The following OS9 variants were observed in gnomAD, a reference collection of about 807,000 sequenced individuals.
The protein encoded by OS9 is OS9 endoplasmic reticulum lectin.
A neutral mutation model predicts 84.7 loss-of-function variants in OS9; 58 were observed. That is an observed-to-expected ratio of 0.68 (90% CI 0.55 to 0.85). The LOEUF is 0.85. OS9 is among the 40% of genes least tolerant of loss of function. The probability of loss-of-function intolerance (pLI) is 0.00; values close to 1 mark genes in which losing one functional copy is unlikely to be tolerated. For missense variants in OS9, 760 were observed against 850.9 expected (o/e 0.89, Z 1.33); for synonymous variants, 278 against 320.8 (o/e 0.87, Z 1.43).
At chr12:57,709,843 T>C (rs1954275384) in intron 5 of OS9, among the ~76,000 whole-genome samples, 1 of 146,402 alleles carries the variant, frequency 6.8e-6, no homozygotes, top group South Asian at 2.2e-4. Flanking sequence ...TGACGATCCC[T>C]TTTTTTTTTT....
In OS9 at chr12:57,706,917, C is replaced by T. The variant is rs142532671; in HGVS notation, c.580-8843C>T. On this transcript the variant is annotated intron_variant, in intron 5 of 14. Coordinates refer to ENST00000315970, the MANE Select transcript of OS9 (RefSeq NM_006812.4). ...CCATCCCCACAATATGCTACAAAACCGGTATATTGGGGGGATCGTTGTTGC... is the reference window on the plus strand; with the variant it reads ...CCATCCCCACAATATGCTACAAAACTGGTATATTGGGGGGATCGTTGTTGC... Among the ~76,000 whole-genome samples, 5 of 148,554 alleles carry T rather than the reference C, an allele frequency of 3.4e-5. No homozygotes were observed. In the East Asian group the frequency reaches 5.9e-4, roughly 17 times the overall value.
intron 5 of OS9, among the ~76,000 whole-genome samples, chr12:57,707,720 T>C (rs1306058615): frequency 6.6e-6 from 1 of 152,150 alleles, no homozygotes; most frequent in African/African-American, 2.4e-5. Flanking sequence ...ATTTTATCTT[T>C]GTTATTTCCT....
At chr12:57,702,062 T>G (rs1212893891) in intron 5 of OS9, among the ~76,000 whole-genome samples, 1 of 152,218 alleles carries the variant, frequency 6.6e-6, no homozygotes, top group African/African-American at 2.4e-5. Context: ...CCCAAAGTGC[T>G]GGGATTACAG....
intron 7 of OS9, 86 bp downstream of exon 7, chr12:57,716,279 T>TGGGGGGGGGGGGGGG (rs141328077): frequency 3.9e-6 from 2 of 511,644 alleles, no homozygotes; most frequent in Non-Finnish European, 7.0e-6. Context: ...ACTGGTGGGG[T>TGGGGGGGGGGGGGGG]GGGGGGGGGT....
chr12:57,705,618 C>T (rs1954143237), intron 5 of OS9, among the ~76,000 whole-genome samples: 1 of 152,056 alleles, frequency 6.6e-6, no homozygotes, highest in Non-Finnish European at 1.5e-5. Context: ...CCTCTGCCTC[C>T]CAGGTTCAAG....
In OS9 at chr12:57,719,484, T is replaced by C. The variant is rs111584943; in HGVS notation, c.1600+302T>C. On this transcript the variant is annotated intron_variant, in intron 12 of 14. Transcript: ENST00000315970. ...ACAATGGATGATCAGTAGCTAGTAA[T>C]TGAATGCTTGTGAGTCTATATGCTG... 141 of 357,190 alleles carry C rather than the reference T, an allele frequency of 3.9e-4. 1 individual carries two copies. Among genetic ancestry groups the C allele is most frequent in the African/African-American group, 2.7e-3 (130 of 48,420 alleles). 22.1% of individuals were successfully genotyped at this position (357,190 alleles called of 1,614,324 possible).
intron 5 of OS9, among the ~76,000 whole-genome samples, chr12:57,702,576 C>A (rs1954057942): frequency 6.6e-6 from 1 of 152,156 alleles, no homozygotes; most frequent in Admixed American, 6.5e-5. Flanking sequence ...GTTTTCAATT[C>A]TTTTGGGTCT....
rs973389250 is a variant in OS9, at chr12:57,720,104, G to A, written c.1606G>A (p.Asp536Asn). Residue 536 changes from aspartate (D) to asparagine (N), a missense_variant, in exon 13 of 15, where the codon GAT becomes AAT. By Grantham distance (23) the Asp-to-Asn change is conservative (BLOSUM62 1). Coordinates refer to ENST00000315970, the MANE Select transcript of OS9 (RefSeq NM_006812.4). The stretch of plus-strand genomic sequence containing the variant: ...TGTGTGTCTCCCCCTCTAAGAGGAG[G>A]ATCCTGAGCACAGAGTCCGGGTCCG... ...PPPSPQPTEE[D>N]PEHRVRVRVT... The A allele has an allele frequency of 1.2e-6, 2 of 1,613,676 alleles. No individual in the cohort carries two copies. Among genetic ancestry groups the A allele is most frequent in the East Asian group, 4.5e-5 (2 of 44,884 alleles).
chr12:57,716,301 ATGGGCCCTCCTCCCTTGGTGAT>A, intron 7 of OS9, 89 bp from the exon 8 acceptor site: 1 of 1,035,310 alleles, frequency 9.7e-7, no homozygotes, highest in Non-Finnish European at 1.5e-6. Flanking sequence ...GAAAAGTACC[ATGGGCCCTCCTCCCTTGGTGAT>A]AGAGGAGGGG....
intron 5 of OS9, among the ~76,000 whole-genome samples, chr12:57,704,551 T>C (rs1012732888): frequency 6.6e-6 from 1 of 150,912 alleles, no homozygotes. Context: ...AAAAAAAAGA[T>C]ATTAGTCTAT....
intron 5 of OS9, among the ~76,000 whole-genome samples, chr12:57,700,183 T>C (rs1197782875): frequency 6.7e-6 from 1 of 148,444 alleles, no homozygotes; most frequent in Non-Finnish European, 1.5e-5. Context: ...AGGTAAGCAT[T>C]AGTGAGAGGT....
intron 14 of OS9, 72 bp downstream of exon 14, chr12:57,720,590 C>G: frequency 7.5e-7 from 1 of 1,325,238 alleles, no homozygotes; most frequent in African/African-American, 1.4e-5. Context: ...GCCCCAGCCA[C>G]GCCATTGCTG....
rs1452690213 is a variant in OS9 at position 57,696,903 on chromosome 12, TGTGGTCGGTAC to T, written c.579+531_579+541del. Among the ~76,000 whole-genome samples the T allele has an allele frequency of 6.6e-5, 10 of 152,290 alleles. No homozygotes were observed. In the East Asian group the frequency reaches 1.9e-3, roughly 29 times the overall value. On this transcript the variant is annotated intron_variant, in intron 5 of 14. Transcript: ENST00000315970. ...CTCTCAAAACTCTCCTATGCTTTCT[TGTGGTCGGTAC>T]CTTCACTCTCGCCTGCATCCCTGCA...
intron 5 of OS9, among the ~76,000 whole-genome samples, chr12:57,705,694 T>C (rs1412220205): frequency 6.6e-6 from 1 of 152,020 alleles, no homozygotes; most frequent in Admixed American, 6.6e-5. Context: ...CCCAGCTAAT[T>C]ATTGTAATTT....
At chr12:57,718,100 C>T in intron 10 of OS9, 46 bp from the exon 11 acceptor site, 3 of 1,590,562 alleles carry the variant, frequency 1.9e-6, no homozygotes, top group Non-Finnish European at 2.6e-6. Context: ...CCATGTGTCT[C>T]TGTTGAAACC....
chr12:57,720,623 AG>A (rs1452506129), intron 14 of OS9, 105 bp downstream of exon 14: 16 of 1,276,792 alleles, frequency 1.3e-5, no homozygotes, highest in Non-Finnish European at 1.7e-5. Flanking sequence ...CTGATCTGTA[AG>A]ACAAGGCTGG....
chr12:57,695,453 T>A, intron 2 of OS9: 1 of 531,820 alleles, frequency 1.9e-6, no homozygotes, highest in East Asian at 4.3e-5. Context: ...TTTGGGTTCT[T>A]CTATGTTTCC....
chr12:57,718,102 GT>G, intron 10 of OS9, 43 bp from the exon 11 acceptor site: 1 of 1,594,180 alleles, frequency 6.3e-7, no homozygotes, highest in Non-Finnish European at 8.6e-7. Context: ...ATGTGTCTCT[GT>G]TGAAACCCCA....
At position 57,715,808 on chromosome 12, in the gene OS9, G is replaced by A. The variant is rs112813761; in HGVS notation, c.628G>A (p.Val210Met). ...AGISGDYIDR[V>M]DEPLSCSYVL... Reference sequence around the variant, plus strand: ...TATCTCTGGGGACTACATCGATCGCGTGGACGAGCCCTTGTCCTGCTCTTA... The same window carrying A: ...TATCTCTGGGGACTACATCGATCGCATGGACGAGCCCTTGTCCTGCTCTTA... Residue 210 changes from valine to methionine, a missense_variant, in exon 6 of 15, where the codon GTG becomes ATG. Coordinates refer to ENST00000315970, the MANE Select transcript of OS9 (RefSeq NM_006812.4). 1.5e-5 allele frequency: 25 copies of A among 1,613,800 alleles called. No individual in the cohort carries two copies. The highest frequency in any genetic ancestry group is 1.6e-4 in the Middle Eastern group (1 of 6,062).
Sources: gnomAD v4.1 joint callset for allele counts (sites outside exome capture counted in the v4.1 genomes callset) on GRCh38, gnomAD v4.1.1 for gene constraint, MANE v1.5 for transcripts, NCBI Gene and HGNC (gene_info 2026-07-23, HGNC 2026-07-21) for gene names.